The following CA10 variants were observed in gnomAD, a reference collection of about 807,000 sequenced individuals.
CA10 encodes carbonic anhydrase 10 (inactive), also known as carbonic anhydrase-related protein 10.
CA10 carries 14 observed loss-of-function variants against 44.2 expected under a neutral mutation model. The observed-to-expected ratio is 0.32, with a 90% CI of 0.21 to 0.50. The LOEUF (loss-of-function observed/expected upper bound fraction) is 0.50. Ranked by LOEUF, CA10 falls within the 20% of genes least tolerant of loss-of-function variation. The pLI, the probability that CA10 is intolerant of heterozygous loss-of-function variation, is 0.99. For missense variants in CA10, 350 were observed against 409.7 expected (o/e 0.85, Z 1.26); for synonymous variants, 159 against 141.6 (o/e 1.12, Z -0.87).
intron 3 of CA10, among the ~76,000 whole-genome samples, chr17:51,787,872 A>T (rs1906354165): frequency 6.6e-6 from 1 of 152,176 alleles, no homozygotes; most frequent in Non-Finnish European, 1.5e-5. Flanking sequence ...TCTGCCTAGA[A>T]GTTTGTCTAT....
chr17:51,646,890 C>T (rs1686274275), intron 6 of CA10, among the ~76,000 whole-genome samples: 1 of 152,208 alleles, frequency 6.6e-6, no homozygotes, highest in South Asian at 2.1e-4. Context: ...ACAAAGGTCA[C>T]TACAGAGGAC....
intron 2 of CA10, among the ~76,000 whole-genome samples, chr17:52,064,026 C>G (rs1035555667): frequency 6.6e-6 from 1 of 152,182 alleles, no homozygotes; most frequent in Admixed American, 6.5e-5. Context: ...GCATGTTATA[C>G]TGAATAGGCT....
At chr17:51,676,586 T>C (rs1469651994) in intron 4 of CA10, among the ~76,000 whole-genome samples, 3 of 152,210 alleles carry the variant, frequency 2.0e-5, no homozygotes, top group Admixed American at 6.5e-5. Context: ...CCGAGATAGA[T>C]GTAGGTGCAG....
intron 1 of CA10, among the ~76,000 whole-genome samples, chr17:52,090,173 A>C (rs1350016387): frequency 6.6e-6 from 1 of 152,200 alleles, no homozygotes; most frequent in Non-Finnish European, 1.5e-5. Flanking sequence ...AGTAAGATAG[A>C]GATCAGTGAG....
chr17:51,655,593 C>T (rs544764876), intron 4 of CA10, among the ~76,000 whole-genome samples: 1 of 152,232 alleles, frequency 6.6e-6, no homozygotes, highest in African/African-American at 2.4e-5. Context: ...CTGTGCCTGT[C>T]TATGCCTTCT....
At chr17:51,956,499 A>G (rs948588189) in intron 2 of CA10, among the ~76,000 whole-genome samples, 1 of 152,202 alleles carries the variant, frequency 6.6e-6, no homozygotes, top group Non-Finnish European at 1.5e-5. Flanking sequence ...TATTGTGTGG[A>G]TACACAAAAA....
chr17:51,906,800 ACTCTCCTT>A (rs1459445096), intron 3 of CA10, among the ~76,000 whole-genome samples: 2 of 151,788 alleles, frequency 1.3e-5, no homozygotes, highest in African/African-American at 2.4e-5. Flanking sequence ...CTCAATGACT[ACTCTCCTT>A]CTCTCACAAC....
At position 51,932,902 on chromosome 17, in the gene CA10, ACTT is replaced by A. The variant is rs1007660596; in HGVS notation, c.137-1773_137-1771del. 2.4e-3 allele frequency among the ~76,000 whole-genome samples: 7 copies of A among 2,862 alleles called. No individual in the cohort carries two copies. In the Admixed American group the frequency reaches 0.03, roughly 12 times the overall value. 1.9% of individuals were successfully genotyped at this position (2,862 alleles called of 152,430 possible). ...AATATAAACTTGTCTTTTCTAAACT[ACTT>A]TTTTTTAAAAAAAACACTGACTTGA... On this transcript the variant is annotated intron_variant, in intron 2 of 8. Coordinates refer to ENST00000451037, the MANE Select transcript of CA10 (RefSeq NM_020178.5).
At chr17:51,635,008 G>A (rs1410594654) in intron 7 of CA10, among the ~76,000 whole-genome samples, 1 of 152,160 alleles carries the variant, frequency 6.6e-6, no homozygotes, top group Non-Finnish European at 1.5e-5. Context: ...AGGCATATGG[G>A]TTGAATCGTG....
intron 1 of CA10, among the ~76,000 whole-genome samples, chr17:52,121,549 T>C (rs140031015): frequency 6.6e-6 from 1 of 152,196 alleles, no homozygotes; most frequent in East Asian, 1.9e-4. Flanking sequence ...TTCCATAATT[T>C]TCATTAGAAA....
rs1301937866 is a variant in CA10, at chr17:51,942,470, CT to C, written c.137-11339del. 9.2e-5 allele frequency among the ~76,000 whole-genome samples: 14 copies of C among 151,376 alleles called. No homozygotes were observed. The Admixed American group carries it at 9.3e-4, about 10-fold the overall frequency. ...TTGACCAACACATTTCACTTGTCCT[CT>C]TAACTTTCCTGTTAGACTTTTGTAT... is the stretch of plus-strand genomic sequence containing the variant. On this transcript the variant is annotated intron_variant, in intron 2 of 8. Coordinates refer to ENST00000451037, the MANE Select transcript of CA10 (RefSeq NM_020178.5).
At chr17:52,090,630 G>C (rs1039937561) in intron 1 of CA10, among the ~76,000 whole-genome samples, 2 of 152,052 alleles carry the variant, frequency 1.3e-5, no homozygotes, top group African/African-American at 4.8e-5. Context: ...TTTAAAATAG[G>C]TAAATAGAAT....
At chr17:51,718,327 C>G (rs960297829) in intron 4 of CA10, among the ~76,000 whole-genome samples, 4 of 152,012 alleles carry the variant, frequency 2.6e-5, no homozygotes, top group African/African-American at 9.7e-5. Flanking sequence ...CTTTCAGCTC[C>G]ACCTCAACCT....
intron 1 of CA10, among the ~76,000 whole-genome samples, chr17:52,121,403 A>G (rs1337332005): frequency 6.6e-6 from 1 of 152,170 alleles, no homozygotes; most frequent in Non-Finnish European, 1.5e-5. Context: ...GATATTGCTT[A>G]AAAAAGAAAA....
chr17:51,952,771 A>G (rs1054944538), intron 2 of CA10, among the ~76,000 whole-genome samples: 4 of 152,162 alleles, frequency 2.6e-5, no homozygotes, highest in Non-Finnish European at 5.9e-5. Flanking sequence ...CACGAGGCAC[A>G]AGGCTCTGCT....
At chr17:51,755,158 T>A (rs1905039768) in intron 3 of CA10, among the ~76,000 whole-genome samples, 1 of 152,184 alleles carries the variant, frequency 6.6e-6, no homozygotes, top group Non-Finnish European at 1.5e-5. Context: ...TAATTTAACT[T>A]TTCTTGTTAA....
At chr17:51,984,468 C>G (rs1984759381) in intron 2 of CA10, among the ~76,000 whole-genome samples, 2 of 151,692 alleles carry the variant, frequency 1.3e-5, no homozygotes, top group South Asian at 4.2e-4. Context: ...CAAGAACAAA[C>G]CAAACCCAAA....
chr17:52,051,412 C>A (rs1987067664), intron 2 of CA10, among the ~76,000 whole-genome samples: 1 of 151,090 alleles, frequency 6.6e-6, no homozygotes, highest in South Asian at 2.1e-4. Flanking sequence ...CTACAAAGGT[C>A]TAATATCCAG....
chr17:52,157,844 C>A lies in CA10; in HGVS notation c.-58G>T. 5.2e-6 allele frequency: 7 copies of A among 1,356,166 alleles called. No homozygotes were observed. The East Asian group carries it at 1.6e-4, about 31-fold the overall frequency. The allele number at this position is 1,356,166 out of a possible 1,614,324, so 84.0% of individuals were successfully genotyped here. A position where few individuals can be genotyped will look rare whatever the true frequency, so the allele number is the denominator to read the frequency against. ...CGGGAAAACGGGGGGAAGGGGGGAG[C>A]CCGACACGGCACACACACATACACA... On this transcript the variant is annotated 5_prime_UTR_variant, in exon 1 of 9. Coordinates refer to ENST00000451037, the MANE Select transcript of CA10 (RefSeq NM_020178.5).
Sources: allele counts gnomAD v4.1 joint callset (sites outside exome capture counted in the v4.1 genomes callset), GRCh38; gene constraint gnomAD v4.1.1; transcripts MANE v1.5; gene names NCBI Gene and HGNC (gene_info 2026-07-23, HGNC 2026-07-21).